ZFPM2: variants seen among roughly 807,000 people sequenced by gnomAD.
ZFPM2 encodes zinc finger protein ZFPM2.
ZFPM2 carries 20 observed loss-of-function variants against 98.6 expected under a neutral mutation model. That is an observed-to-expected ratio of 0.20 (90% confidence interval 0.14 to 0.29). The LOEUF is 0.29. Among genes scored for constraint, ZFPM2 ranks in the 10% least tolerant of loss-of-function variants. The probability of loss-of-function intolerance (pLI) is 1.00; values close to 1 mark genes in which losing one functional copy is unlikely to be tolerated. For synonymous variants in ZFPM2, 518 were observed against 502.7 expected, an observed-to-expected ratio of 1.03 and a Z score of -0.41; for missense variants, 1,310 against 1,388.6, an observed-to-expected ratio of 0.94 and a Z score of 0.90.
At chr8:105,557,728 C>T (rs555323594) in intron 3 of ZFPM2, among the ~76,000 whole-genome samples, 27 of 152,148 alleles carry the variant, frequency 1.8e-4, no homozygotes, top group African/African-American at 4.1e-4. Flanking sequence ...AATGAATAAA[C>T]GAATGAATGA....
At chr8:105,769,857 C>G (rs1229508976) in intron 5 of ZFPM2, among the ~76,000 whole-genome samples, 1 of 151,982 alleles carries the variant, frequency 6.6e-6, no homozygotes, top group Non-Finnish European at 1.5e-5. Context: ...CTAGATCATT[C>G]TGGTGGACCC....
intron 5 of ZFPM2, among the ~76,000 whole-genome samples, chr8:105,783,210 G>GTTTTTTTTTTTTTTTTTTTTTTTTT (rs753557703): frequency 2.2e-5 from 2 of 88,944 alleles, no homozygotes; most frequent in Non-Finnish European, 4.3e-5. Context: ...TTTCTTTATG[G>GTTTTTTTTTTTTTTTTTTTTTTTTT]TTTTTTTTTT....
At chr8:105,714,052 A>G (rs977585576) in intron 5 of ZFPM2, among the ~76,000 whole-genome samples, 3 of 152,058 alleles carry the variant, frequency 2.0e-5, no homozygotes, top group Non-Finnish European at 2.9e-5. Context: ...TTTGGGCAGT[A>G]TGGACATTTT....
At chr8:105,576,330 G>C (rs1815467460) in intron 4 of ZFPM2, among the ~76,000 whole-genome samples, 1 of 151,884 alleles carries the variant, frequency 6.6e-6, no homozygotes, top group South Asian at 2.1e-4. Context: ...AATAAACATA[G>C]AGGCACAAAA....
In ZFPM2 at chr8:105,691,538, G is replaced by A. The variant is rs572532174; in HGVS notation, c.532+57181G>A. 3.8e-4 allele frequency among the ~76,000 whole-genome samples: 47 copies of A among 122,316 alleles called. 4 individuals are homozygous for A. The South Asian group carries it at 7.4e-3, about 19-fold the overall frequency. The allele number at this position is 122,316 out of a possible 152,430, so 80.2% of individuals were successfully genotyped here. A position where few individuals can be genotyped will look rare whatever the true frequency, so the allele number is the denominator to read the frequency against. The stretch of plus-strand genomic sequence containing the variant: ...GCTGGGATTACAGGCGTGAGCCACC[G>A]CGCCCAGCCCCAAAGAGACTTTTTG... On this transcript the variant is annotated intron_variant, in intron 5 of 7. Transcript: ENST00000407775.
chr8:105,596,310 GT>G lies in ZFPM2; in HGVS notation c.420+34833del, dbSNP rs148435547. 4.2e-3 allele frequency among the ~76,000 whole-genome samples: 632 copies of G among 152,058 alleles called. 2 individuals carry two copies. Among genetic ancestry groups the G allele is most frequent in the African/African-American group, 0.014 (595 of 41,530 alleles). Reference sequence around the variant, plus strand: ...AAACAATCAGAGGAAGAGTAAAAGAGTTTTCTTTCATTTTCTTTTTCTTTCA... The same window carrying G: ...AAACAATCAGAGGAAGAGTAAAAGAGTTTCTTTCATTTTCTTTTTCTTTCA... On this transcript the variant is annotated intron_variant, in intron 4 of 7. Transcript: ENST00000407775.
intron 4 of ZFPM2, among the ~76,000 whole-genome samples, chr8:105,625,570 A>G (rs1816635870): frequency 6.6e-6 from 1 of 150,446 alleles, no homozygotes; most frequent in African/African-American, 2.4e-5. Context: ...TTCAGGTGTT[A>G]TCTGTGAAAA....
At chr8:105,393,326 C>CTGTCTG (rs1563637738) in intron 1 of ZFPM2, among the ~76,000 whole-genome samples, 10 of 106,152 alleles carry the variant, frequency 9.4e-5, no homozygotes, top group East Asian at 5.0e-4. Context: ...CCTTCCCTCT[C>CTGTCTG]TCTCTCTTTG....
chr8:105,665,647 A>G (rs1817475328), intron 5 of ZFPM2, among the ~76,000 whole-genome samples: 1 of 152,224 alleles, frequency 6.6e-6, no homozygotes, highest in Non-Finnish European at 1.5e-5. Context: ...GTTTTGTTTC[A>G]CTTCTGACGT....
chr8:105,632,359 G>T (rs754414442), intron 4 of ZFPM2, among the ~76,000 whole-genome samples: 2 of 151,900 alleles, frequency 1.3e-5, no homozygotes, highest in African/African-American at 4.8e-5. Flanking sequence ...TAGTAGAGAC[G>T]GGATTTCACT....
intron 3 of ZFPM2, among the ~76,000 whole-genome samples, chr8:105,451,957 C>T (rs909410200): frequency 6.6e-6 from 1 of 152,068 alleles, no homozygotes; most frequent in Admixed American, 6.6e-5. Flanking sequence ...TTGAAACCTT[C>T]AAAAGACTGG....
intron 5 of ZFPM2, among the ~76,000 whole-genome samples, chr8:105,683,625 T>C (rs928290054): frequency 6.6e-6 from 1 of 152,164 alleles, no homozygotes; most frequent in African/African-American, 2.4e-5. Flanking sequence ...CCATGTCTTA[T>C]TATGTCCACG....
At chr8:105,494,128 A>G (rs1445977285) in intron 3 of ZFPM2, among the ~76,000 whole-genome samples, 1 of 143,056 alleles carries the variant, frequency 7.0e-6, no homozygotes, top group Non-Finnish European at 1.5e-5. Context: ...AGGTGTCACT[A>G]GGTCAGTGAC....
chr8:105,708,653 A>G (rs1811315484), intron 5 of ZFPM2, among the ~76,000 whole-genome samples: 1 of 152,102 alleles, frequency 6.6e-6, no homozygotes, highest in Admixed American at 6.5e-5. Flanking sequence ...CATGTTGCCC[A>G]GGCTGGTTTT....
At chr8:105,609,789 C>G (rs997793411) in intron 4 of ZFPM2, among the ~76,000 whole-genome samples, 2 of 152,084 alleles carry the variant, frequency 1.3e-5, no homozygotes, top group African/African-American at 4.8e-5. Flanking sequence ...AAACATACAG[C>G]TCTTACTGTC....
intron 5 of ZFPM2, among the ~76,000 whole-genome samples, chr8:105,702,449 C>A (rs562847716): frequency 6.6e-6 from 1 of 152,290 alleles, no homozygotes; most frequent in Non-Finnish European, 1.5e-5. Context: ...GTGTTAATGG[C>A]TGTGTCATTT....
At chr8:105,630,270 ATATTATTGT>A (rs1816732526) in intron 4 of ZFPM2, among the ~76,000 whole-genome samples, 1 of 152,066 alleles carries the variant, frequency 6.6e-6, no homozygotes, top group Non-Finnish European at 1.5e-5. Context: ...ATCAATGTGG[ATATTATTGT>A]TATTTTCTAT....
intron 3 of ZFPM2, among the ~76,000 whole-genome samples, chr8:105,546,067 G>C (rs757089449): frequency 1.3e-5 from 2 of 152,056 alleles, no homozygotes; most frequent in Non-Finnish European, 2.9e-5. Context: ...ATTACCTTTG[G>C]GGGTAGAATC....
intron 4 of ZFPM2, among the ~76,000 whole-genome samples, chr8:105,565,407 A>G (rs1278204735): frequency 6.6e-6 from 1 of 152,120 alleles, no homozygotes; most frequent in Non-Finnish European, 1.5e-5. Flanking sequence ...CAGCATAGTA[A>G]ATACTTTCAT....
Sources: gnomAD v4.1 joint callset for allele counts (sites outside exome capture counted in the v4.1 genomes callset) on GRCh38, gnomAD v4.1.1 for gene constraint, MANE v1.5 for transcripts, NCBI Gene and HGNC (gene_info 2026-07-23, HGNC 2026-07-21) for gene names.